MYO18B: variants seen among roughly 807,000 people sequenced by gnomAD.
MYO18B encodes myosin XVIIIB, also known as unconventional myosin-XVIIIb.
A neutral mutation model predicts 273.0 loss-of-function variants in MYO18B; 204 were observed. The ratio of observed to expected loss-of-function variants is 0.75; its 90% CI spans 0.67 to 0.84. MYO18B has a LOEUF of 0.84. Ranked by LOEUF, MYO18B falls within the 40% of genes least tolerant of loss-of-function variation. The probability of loss-of-function intolerance (pLI) is 0.00; values close to 1 mark genes in which losing one functional copy is unlikely to be tolerated. For missense variants in MYO18B, 3,212 were observed against 3,287.6 expected (o/e 0.98, Z 0.56); for synonymous variants, 1,330 against 1,305.7 (o/e 1.02, Z -0.40).
At chr22:25,929,449 C>T (rs1324825472) in intron 34 of MYO18B, among the ~76,000 whole-genome samples, 10 of 152,142 alleles carry the variant, frequency 6.6e-5, no homozygotes, top group East Asian at 5.8e-4. Context: ...TTGAGATAAT[C>T]GCTGTGCACA....
intron 42 of MYO18B, among the ~76,000 whole-genome samples, chr22:26,016,921 G>C (rs1323738766): frequency 6.6e-6 from 1 of 152,178 alleles, no homozygotes; most frequent in Non-Finnish European, 1.5e-5. Context: ...ATGTTTGTTT[G>C]TGTGTTTTTT....
chr22:25,986,054 A>G (rs2093199312), intron 39 of MYO18B, among the ~76,000 whole-genome samples: 1 of 152,234 alleles, frequency 6.6e-6, no homozygotes, highest in Non-Finnish European at 1.5e-5. Context: ...TTTCTGGGAA[A>G]GATTCCCTCA....
chr22:25,833,270 G>C (rs1331736069), intron 16 of MYO18B, among the ~76,000 whole-genome samples: 2 of 152,178 alleles, frequency 1.3e-5, no homozygotes, highest in African/African-American at 4.8e-5. Flanking sequence ...ATAGACTCGT[G>C]CCTGGGAGCC....
intron 18 of MYO18B, among the ~76,000 whole-genome samples, chr22:25,845,495 G>A (rs1041868764): frequency 1.3e-5 from 2 of 152,076 alleles, no homozygotes; most frequent in Admixed American, 6.6e-5. Context: ...CCAGCCTGGC[G>A]ACAGAGCAAG....
intron 25 of MYO18B, among the ~76,000 whole-genome samples, chr22:25,878,362 A>G (rs750389673): frequency 2.0e-5 from 3 of 152,204 alleles, no homozygotes; most frequent in Non-Finnish European, 2.9e-5. Flanking sequence ...AAAATGATAA[A>G]TTTGACTATA....
chr22:26,014,903 GT>G (rs35917774), intron 42 of MYO18B, among the ~76,000 whole-genome samples: 86 of 149,436 alleles, frequency 5.8e-4, no homozygotes, highest in East Asian at 3.1e-3. Flanking sequence ...TTTTTAATGG[GT>G]TTTTTTTTTC....
intron 39 of MYO18B, among the ~76,000 whole-genome samples, chr22:25,971,007 T>C (rs531507998): frequency 1.3e-5 from 2 of 152,360 alleles, no homozygotes; most frequent in East Asian, 3.9e-4. Context: ...AGCAACTGGA[T>C]GCTCTGATCC....
intron 22 of MYO18B, among the ~76,000 whole-genome samples, chr22:25,868,703 GAGA>G (rs2090962032): frequency 6.6e-6 from 1 of 152,176 alleles, no homozygotes; most frequent in African/African-American, 2.4e-5. Flanking sequence ...CATAAAACCT[GAGA>G]AGAACTGCTC....
intron 39 of MYO18B, among the ~76,000 whole-genome samples, chr22:25,982,995 G>A (rs781416131): frequency 6.6e-6 from 1 of 152,132 alleles, no homozygotes; most frequent in Non-Finnish European, 1.5e-5. Flanking sequence ...CTAAGTGTTC[G>A]GGTAACCTAG....
intron 42 of MYO18B, among the ~76,000 whole-genome samples, chr22:26,019,385 G>T (rs1935630304): frequency 6.6e-6 from 1 of 152,222 alleles, no homozygotes; most frequent in Non-Finnish European, 1.5e-5. Flanking sequence ...TTCTTTCTGA[G>T]CCTCAGTTCT....
chr22:25,804,788 G>A (rs1453813876), intron 12 of MYO18B, among the ~76,000 whole-genome samples: 1 of 152,238 alleles, frequency 6.6e-6, no homozygotes. Flanking sequence ...CCGGCAGCGA[G>A]AAGGCTCCTG....
In MYO18B at chr22:25,826,420, A is replaced by G. The variant is rs372006164; in HGVS notation, c.2707A>G (p.Thr903Ala). ...GTCCTCTTTCCCAGGGCTCAAGATG[A>G]CAGGAGTGGACTGTGTGGAGGGGAT... ...DEETSSGLKM[T>A]GVDCVEGMAS... Residue 903 changes from threonine to alanine, a missense_variant, in exon 14 of 44, where the codon ACA (threonine) becomes GCA (alanine). Transcript: ENST00000335473. 1.2e-6 allele frequency: 2 copies of G among 1,611,332 alleles called. No homozygotes were observed.
intron 12 of MYO18B, among the ~76,000 whole-genome samples, chr22:25,811,630 C>T (rs2088765773): frequency 6.6e-6 from 1 of 152,154 alleles, no homozygotes. Context: ...TTGCTTTTTT[C>T]ACATGTCATA....
intron 19 of MYO18B, 48 bp downstream of exon 19, chr22:25,846,331 T>A (rs1346705547): frequency 1.7e-5 from 27 of 1,590,102 alleles, no homozygotes; most frequent in Non-Finnish European, 2.1e-5. Flanking sequence ...ACTGCCTCCA[T>A]CCTCATCTCC....
At chr22:25,981,271 G>T (rs142087402) in intron 39 of MYO18B, among the ~76,000 whole-genome samples, 4 of 152,224 alleles carry the variant, frequency 2.6e-5, no homozygotes, top group Non-Finnish European at 5.9e-5. Context: ...TTCTCGAGAT[G>T]AGAAGTTCTT....
At chr22:25,757,768 C>G (rs534576249) in intron 1 of MYO18B, among the ~76,000 whole-genome samples, 2 of 152,222 alleles carry the variant, frequency 1.3e-5, no homozygotes, top group South Asian at 2.1e-4. Flanking sequence ...CACTCAAGAC[C>G]GCTTCTACTA....
intron 38 of MYO18B, among the ~76,000 whole-genome samples, chr22:25,952,691 G>C (rs1423591731): frequency 6.6e-6 from 1 of 151,748 alleles, no homozygotes; most frequent in Non-Finnish European, 1.5e-5. Context: ...CCTTCCATTT[G>C]TTCTTCCTTT....
intron 34 of MYO18B, among the ~76,000 whole-genome samples, chr22:25,931,010 A>G (rs2092491198): frequency 6.6e-6 from 1 of 152,218 alleles, no homozygotes; most frequent in South Asian, 2.1e-4. Context: ...GACATTGGAA[A>G]TAGTTAGTAA....
At chr22:25,918,682 A>G (rs1373039847) in intron 33 of MYO18B, among the ~76,000 whole-genome samples, 2 of 152,202 alleles carry the variant, frequency 1.3e-5, no homozygotes. Flanking sequence ...TCTCTACTGC[A>G]TGGTCAGTGT....
Sources: allele counts gnomAD v4.1 joint callset (sites outside exome capture counted in the v4.1 genomes callset), GRCh38; gene constraint gnomAD v4.1.1; transcripts MANE v1.5; gene names NCBI Gene and HGNC (gene_info 2026-07-23, HGNC 2026-07-21).